The following GMDS variants were observed in gnomAD, a reference collection of about 807,000 sequenced individuals.
GMDS encodes the protein GDP-mannose 4,6-dehydratase, also known as GDP-mannose 4,6 dehydratase.
GMDS carries 20 observed loss-of-function variants against 49.9 expected under a neutral mutation model. That is an observed-to-expected ratio of 0.40 (90% CI 0.28 to 0.58). The LOEUF is 0.58. Ranked by LOEUF, GMDS falls within the 20% of genes least tolerant of loss-of-function variation. The pLI is 0.42. For synonymous variants in GMDS, 177 were observed against 178.6 expected (o/e 0.99, Z 0.07); for missense variants, 362 against 481.4 (o/e 0.75, Z 2.32).
chr6:1,897,965 C>CTTCTGCTCAGGGTT, intron 7 of GMDS, among the ~76,000 whole-genome samples: 1 of 119,166 alleles, frequency 8.4e-6, no homozygotes, highest in African/African-American at 3.0e-5. Flanking sequence ...CCCTTGCCAT[C>CTTCTGCTCAGGGTT]CTGGACACCT....
intron 4 of GMDS, among the ~76,000 whole-genome samples, chr6:2,110,320 T>C (rs1774477176): frequency 1.3e-5 from 2 of 148,682 alleles, no homozygotes; most frequent in African/African-American, 5.0e-5. Context: ...AGGTACGGAT[T>C]TCAACTCTCA....
At chr6:1,842,575 G>C (rs529419740) in intron 7 of GMDS, among the ~76,000 whole-genome samples, 13 of 152,346 alleles carry the variant, frequency 8.5e-5, no homozygotes, top group Admixed American at 7.8e-4. Context: ...ACTGTGGACA[G>C]CAAAGAGAAG....
rs915402080 is a variant in GMDS, at chr6:1,878,275, A to T, written c.771+51828T>A. Among the ~76,000 whole-genome samples the T allele has an allele frequency of 5.1e-5, 7 of 136,312 alleles. No individual in the cohort carries two copies. The South Asian group carries it at 9.3e-4, about 18-fold the overall frequency. The allele number at this position is 136,312 out of a possible 152,430, so 89.4% of individuals were successfully genotyped here. A position where few individuals can be genotyped will look rare whatever the true frequency, so the allele number is the denominator to read the frequency against. On this transcript the variant is annotated intron_variant, in intron 7 of 10. Transcript: ENST00000380815. The stretch of plus-strand genomic sequence containing the variant: ...GCTTGCAGTGAGCCGAGATTGCACC[A>T]CTGCACTCCAGCCTGGGTGACAGAG...
intron 4 of GMDS, among the ~76,000 whole-genome samples, chr6:1,970,477 G>A (rs1243409400): frequency 6.6e-6 from 1 of 152,134 alleles, no homozygotes; most frequent in East Asian, 1.9e-4. Flanking sequence ...GAAGCACTGC[G>A]GCTCAGTGGG....
At chr6:1,949,652 G>A (rs1763246541) in intron 6 of GMDS, among the ~76,000 whole-genome samples, 2 of 152,076 alleles carry the variant, frequency 1.3e-5, no homozygotes, top group Admixed American at 1.3e-4. Flanking sequence ...CTTTGTGATC[G>A]CCAAGTGTAC....
intron 8 of GMDS, among the ~76,000 whole-genome samples, chr6:1,729,883 C>T (rs1371224150): frequency 6.6e-6 from 1 of 152,104 alleles, no homozygotes; most frequent in Non-Finnish European, 1.5e-5. Flanking sequence ...CAAGACAAAG[C>T]GCTATGAAAA....
intron 4 of GMDS, among the ~76,000 whole-genome samples, chr6:2,044,755 T>C (rs141374815): frequency 0.016 from 2,426 of 152,310 alleles, 31 homozygotes; most frequent in Non-Finnish European, 0.025. Context: ...AGTTTCAAAG[T>C]GAATACAGGA....
chr6:1,982,131 C>T (rs935628946), intron 4 of GMDS, among the ~76,000 whole-genome samples: 1 of 152,064 alleles, frequency 6.6e-6, no homozygotes, highest in Non-Finnish European at 1.5e-5. Flanking sequence ...CATGGTGAAA[C>T]CCCATCTCTA....
chr6:1,700,432 A>T (rs1281913989), intron 9 of GMDS, among the ~76,000 whole-genome samples: 1 of 152,152 alleles, frequency 6.6e-6, no homozygotes, highest in Non-Finnish European at 1.5e-5. Context: ...AGCAGGAGGG[A>T]AGGGAGAGCC....
chr6:1,773,144 T>C (rs57997075), intron 7 of GMDS, among the ~76,000 whole-genome samples: 7,821 of 150,536 alleles, frequency 0.052, 206 homozygotes, highest in Non-Finnish European at 0.059. Context: ...GAGCATGGCC[T>C]TTACATTTTA....
At chr6:1,845,207 C>T (rs1757336143) in intron 7 of GMDS, among the ~76,000 whole-genome samples, 2 of 152,160 alleles carry the variant, frequency 1.3e-5, no homozygotes, top group South Asian at 4.1e-4. Flanking sequence ...CTAATGATTC[C>T]TCTATTGTAC....
intron 7 of GMDS, among the ~76,000 whole-genome samples, chr6:1,782,476 C>T (rs754441058): frequency 1.3e-5 from 2 of 152,198 alleles, no homozygotes; most frequent in Non-Finnish European, 2.9e-5. Context: ...CCAGTCCAAG[C>T]CTTAAGACCA....
intron 7 of GMDS, among the ~76,000 whole-genome samples, chr6:1,894,178 G>C (rs1309465580): frequency 3.3e-5 from 5 of 152,128 alleles, no homozygotes; most frequent in Admixed American, 6.5e-5. Context: ...TTCTCAAAAA[G>C]TTATTGATCA....
chr6:2,046,316 G>A (rs752353637), intron 4 of GMDS, among the ~76,000 whole-genome samples: 10 of 152,188 alleles, frequency 6.6e-5, no homozygotes, highest in Non-Finnish European at 1.5e-4. Context: ...AAAGCACATT[G>A]TTTAGTGAAA....
At chr6:1,976,036 T>A (rs912964308) in intron 4 of GMDS, among the ~76,000 whole-genome samples, 5 of 152,124 alleles carry the variant, frequency 3.3e-5, no homozygotes, top group Non-Finnish European at 7.4e-5. Context: ...CAGTGGCTAG[T>A]ATATGAAGAA....
chr6:2,170,812 G>A lies in GMDS; in HGVS notation c.103-46081C>T, dbSNP rs186571118. On this transcript the variant is annotated intron_variant, in intron 1 of 10. Coordinates refer to ENST00000380815, the MANE Select transcript of GMDS (RefSeq NM_001500.4). ...AGATCGAGACCATCCTGACTAACAC[G>A]GTGAAACCCCATCTCTACTAAAAAT... Among the ~76,000 whole-genome samples, 351 of 152,024 alleles carry A rather than the reference G, an allele frequency of 2.3e-3. 1 individual carries two copies. Among genetic ancestry groups the A allele is most frequent in the African/African-American group, 8.2e-3 (338 of 41,462 alleles).
At chr6:2,014,851 A>AG (rs1429714156) in intron 4 of GMDS, among the ~76,000 whole-genome samples, 1 of 152,146 alleles carries the variant, frequency 6.6e-6, no homozygotes, top group Non-Finnish European at 1.5e-5. Flanking sequence ...ATAAAGTCAC[A>AG]GGTAGATCAA....
At chr6:1,873,683 A>G (rs545703009) in intron 7 of GMDS, among the ~76,000 whole-genome samples, 1 of 152,348 alleles carries the variant, frequency 6.6e-6, no homozygotes, top group East Asian at 1.9e-4. Context: ...ATATCAGTGC[A>G]CTAAATTTTT....
intron 7 of GMDS, among the ~76,000 whole-genome samples, chr6:1,901,915 GA>G (rs1455026640): frequency 3.4e-4 from 52 of 152,350 alleles, no homozygotes; most frequent in African/African-American, 1.3e-3. Context: ...ACACAGAGGG[GA>G]GACAGGGAAA....
Sources: allele counts gnomAD v4.1 joint callset (sites outside exome capture counted in the v4.1 genomes callset), GRCh38; gene constraint gnomAD v4.1.1; transcripts MANE v1.5; gene names NCBI Gene and HGNC (gene_info 2026-07-23, HGNC 2026-07-21).